The following GAL3ST2 variants were observed in gnomAD, a reference collection of about 807,000 sequenced individuals.
GAL3ST2 encodes beta-galactose-3-O-sulfotransferase 2.
In GAL3ST2, 16 loss-of-function variants were observed where a neutral mutation model predicts 12.9. That is an observed-to-expected ratio of 1.24 (90% confidence interval 0.84 to 1.88). The LOEUF is 1.88. GAL3ST2 is among the 40% of genes most tolerant of loss of function. The pLI, the probability that GAL3ST2 is intolerant of heterozygous loss-of-function variation, is 0.00. For synonymous variants in GAL3ST2, 302 were observed against 273.9 expected, an observed-to-expected ratio of 1.10 and a Z score of -1.01; for missense variants, 639 against 571.8, an observed-to-expected ratio of 1.12 and a Z score of -1.20.
chr2:241,781,830 A>C (rs556683573), intron 1 of GAL3ST2, among the ~76,000 whole-genome samples: 2 of 152,362 alleles, frequency 1.3e-5, no homozygotes, highest in South Asian at 4.1e-4. Flanking sequence ...CGTAATTTAT[A>C]ATTTGATTTT....
Position 241,804,103 on chromosome 2 carries a change from CCG to C in GAL3ST2, c.1136_1137del (p.Arg379ProfsTer?). On this transcript the variant is annotated frameshift_variant, in exon 4 of 4. Transcript: ENST00000192314. LOFTEE classifies it low-confidence loss of function (END_TRUNC). ...TGATGCCTGAGCTCCAGTACATGGC[CCG>C]CCTGTACGCCCTGCAGTTCCCGGAG... ...LVMPELQYMA[R>X]LYALQFPEKP... The C allele has an allele frequency of 6.6e-7, 1 of 1,525,324 alleles. No individual in the cohort carries two copies. Among genetic ancestry groups the C allele is most frequent in the South Asian group, 1.2e-5 (1 of 80,666 alleles). 94.5% of individuals were successfully genotyped at this position (1,525,324 alleles called of 1,614,324 possible).
chr2:241,799,206 C>T lies in GAL3ST2; in HGVS notation c.119+52C>T, dbSNP rs375402641. On this transcript the variant is annotated intron_variant, in intron 2 of 3. Coordinates refer to ENST00000192314, the MANE Select transcript of GAL3ST2 (RefSeq NM_022134.3). ...TGCCCCGGGTACCTCCTAACAGCCC[C>T]GAGGACAGAGCCTGGGACCCCAGCA... 16 of 1,489,410 alleles carry T rather than the reference C, an allele frequency of 1.1e-5. No homozygotes were observed. The East Asian group carries it at 1.1e-4, about 11-fold the overall frequency. The allele number at this position is 1,489,410 out of a possible 1,614,324, so 92.3% of individuals were successfully genotyped here. A position where few individuals can be genotyped will look rare whatever the true frequency, so the allele number is the denominator to read the frequency against.
chr2:241,778,907 G>T (rs1699527968), intron 1 of GAL3ST2, among the ~76,000 whole-genome samples: 1 of 152,110 alleles, frequency 6.6e-6, no homozygotes, highest in Non-Finnish European at 1.5e-5. Flanking sequence ...AGTTTCTGAT[G>T]AGCCTCTCCA....
intron 1 of GAL3ST2, among the ~76,000 whole-genome samples, chr2:241,782,462 A>G (rs1474339120): frequency 2.0e-5 from 3 of 152,076 alleles, no homozygotes; most frequent in African/African-American, 7.2e-5. Flanking sequence ...AGTAGCTGGG[A>G]TTACAGGCAC....
In GAL3ST2 at chr2:241,777,107, C is replaced by T. The variant is rs1699498029; in HGVS notation, c.29+123C>T. On this transcript the variant is annotated intron_variant, in intron 1 of 3. Coordinates refer to ENST00000192314, the MANE Select transcript of GAL3ST2 (RefSeq NM_022134.3). ...AAGTGACTTGGATTTGGAGGCTGTT[C>T]CTACTCAGGCTTCCCTGAATTCACC... is the stretch of plus-strand genomic sequence containing the variant. 13 of 874,986 alleles carry T rather than the reference C, an allele frequency of 1.5e-5. No homozygotes were observed. In the South Asian group the frequency reaches 3.8e-4, roughly 26 times the overall value. The allele number at this position is 874,986 out of a possible 1,614,324, so 54.2% of individuals were successfully genotyped here.
chr2:241,797,942 G>A (rs1056523339), intron 1 of GAL3ST2, among the ~76,000 whole-genome samples: 2 of 152,184 alleles, frequency 1.3e-5, no homozygotes, highest in Non-Finnish European at 2.9e-5. Context: ...GTGCAGGTGT[G>A]GTGTCTGGTT....
At chr2:241,788,969 G>C (rs1189253553) in intron 1 of GAL3ST2, among the ~76,000 whole-genome samples, 1 of 152,180 alleles carries the variant, frequency 6.6e-6, no homozygotes, top group Non-Finnish European at 1.5e-5. Flanking sequence ...CAAGAATGAG[G>C]AGAAAACACA....
chr2:241,778,953 C>T (rs1256258136), intron 1 of GAL3ST2, among the ~76,000 whole-genome samples: 2 of 152,110 alleles, frequency 1.3e-5, no homozygotes, highest in African/African-American at 4.8e-5. Flanking sequence ...TCTCAGTGAG[C>T]AGAGGGGAGA....
chr2:241,789,373 G>T (rs949868427), intron 1 of GAL3ST2, among the ~76,000 whole-genome samples: 7 of 152,074 alleles, frequency 4.6e-5, no homozygotes, highest in African/African-American at 1.4e-4. Flanking sequence ...TGTTCAATTG[G>T]CAATTAAATC....
chr2:241,780,967 A>G (rs1322646937), intron 1 of GAL3ST2, among the ~76,000 whole-genome samples: 1 of 152,246 alleles, frequency 6.6e-6, no homozygotes, highest in East Asian at 1.9e-4. Flanking sequence ...CTTAAAGGAA[A>G]GCTCACCGTT....
intron 1 of GAL3ST2, among the ~76,000 whole-genome samples, chr2:241,782,356 C>T (rs1269938566): frequency 2.0e-5 from 3 of 151,952 alleles, no homozygotes; most frequent in African/African-American, 7.3e-5. Flanking sequence ...GATGGAGTCT[C>T]GCTCTGTTGC....
At chr2:241,797,573 AG>A (rs1259678550) in intron 1 of GAL3ST2, among the ~76,000 whole-genome samples, 2 of 150,836 alleles carry the variant, frequency 1.3e-5, no homozygotes, top group African/African-American at 5.0e-5. Context: ...GGCAGGGGCC[AG>A]TGGGGCCGGG....
Position 241,803,644 on chromosome 2 carries a change from C to T in GAL3ST2, c.675C>T (p.Leu225=), listed in dbSNP as rs926741556. 6.4e-7 allele frequency: 1 copy of T among 1,551,028 alleles called. No homozygotes were observed. Among genetic ancestry groups the T allele is most frequent in the African/African-American group, 1.4e-5 (1 of 73,156 alleles). Residue 225 remains leucine (L), a synonymous_variant, in exon 4 of 4, where the codon CTC becomes CTT. Coordinates refer to ENST00000192314, the MANE Select transcript of GAL3ST2 (RefSeq NM_022134.3). ...AEVERRFRLV[L]IAEHLDESLV... ...TGGAGCGGCGCTTCCGGCTGGTGCT[C>T]ATCGCCGAGCACCTGGACGAGTCCC... is the stretch of plus-strand genomic sequence containing the variant.
At chr2:241,778,351 C>G (rs1008967830) in intron 1 of GAL3ST2, among the ~76,000 whole-genome samples, 5 of 152,260 alleles carry the variant, frequency 3.3e-5, no homozygotes, top group African/African-American at 4.8e-5. Flanking sequence ...AGAGGAGAGA[C>G]TTTGCCTGCG....
intron 1 of GAL3ST2, among the ~76,000 whole-genome samples, chr2:241,798,587 C>T (rs993735312): frequency 3.3e-5 from 5 of 152,314 alleles, no homozygotes; most frequent in Admixed American, 3.3e-4. Context: ...GCCCCACCTC[C>T]AGGCACCATC....
intron 1 of GAL3ST2, among the ~76,000 whole-genome samples, chr2:241,786,474 A>G (rs768257671): frequency 6.6e-6 from 1 of 152,190 alleles, no homozygotes; most frequent in East Asian, 1.9e-4. Context: ...GATACTCTCT[A>G]CCATCTTAGA....
At chr2:241,799,748 G>A (rs556995358) in intron 2 of GAL3ST2, among the ~76,000 whole-genome samples, 5 of 152,202 alleles carry the variant, frequency 3.3e-5, no homozygotes, top group South Asian at 2.1e-4. Flanking sequence ...CCTCTGGGCC[G>A]AGCTGCCAGA....
Position 241,801,911 on chromosome 2 carries a change from C to G in GAL3ST2, c.250C>G (p.Leu84Val), listed in dbSNP as rs1422904955. The change falls in exon 3 of 4, where the codon CTG (leucine) becomes GTG (valine). Residue 84 changes from leucine to valine, a missense_variant. Coordinates refer to ENST00000192314, the MANE Select transcript of GAL3ST2 (RefSeq NM_022134.3). This position sits in a 1 kb window ranked among gnomAD's most constrained non-coding sequence, Gnocchi z 4.4. Reference protein sequence around the residue: ...FAETHNLSVALPAGSRVHLGY... With the variant: ...FAETHNLSVAVPAGSRVHLGY... ...CGAGACCCACAACCTGTCCGTGGCG[C>G]TGCCCGCCGGCTCACGCGTCCACCT... is the stretch of plus-strand genomic sequence containing the variant. 6.2e-7 allele frequency: 1 copy of G among 1,613,036 alleles called. No homozygotes were observed. Among genetic ancestry groups the G allele is most frequent in the Non-Finnish European group, 8.5e-7 (1 of 1,179,966 alleles).
chr2:241,803,744 C>A lies in GAL3ST2; in HGVS notation c.775C>A (p.Arg259Ser). ...VAFRLNSRSARSVARLSPETR... is the reference protein window; with the variant it reads ...VAFRLNSRSASSVARLSPETR... Reference sequence around the variant, plus strand: ...CTTCAGGCTCAACTCCCGCAGCGCGCGCTCCGTGGCCCGCCTGTCGCCCGA... The same window carrying A: ...CTTCAGGCTCAACTCCCGCAGCGCGAGCTCCGTGGCCCGCCTGTCGCCCGA... The change falls in exon 4 of 4, where the codon CGC becomes AGC. Residue 259 changes from arginine (R) to serine (S), a missense_variant. Physicochemically the swap from Arg to Ser is moderately radical, Grantham distance 110. Transcript: ENST00000192314. The A allele has an allele frequency of 6.6e-7, 1 of 1,525,860 alleles. No individual in the cohort carries two copies. Among genetic ancestry groups the A allele is most frequent in the Non-Finnish European group, 8.8e-7 (1 of 1,139,632 alleles). 94.5% of individuals were successfully genotyped at this position (1,525,860 alleles called of 1,614,324 possible).
Sources: gnomAD v4.1 joint callset for allele counts (sites outside exome capture counted in the v4.1 genomes callset) on GRCh38, gnomAD v4.1.1 for gene constraint, Gnocchi (gnomAD v3.1) non-coding constraint, MANE v1.5 for transcripts, NCBI Gene and HGNC (gene_info 2026-07-23, HGNC 2026-07-21) for gene names.